GALNT7: variants seen among roughly 807,000 people sequenced by gnomAD.
GALNT7 encodes polypeptide N-acetylgalactosaminyltransferase 7.
GALNT7 carries 60 observed loss-of-function variants against 82.1 expected under a neutral mutation model. The observed-to-expected ratio is 0.73, with a 90% confidence interval of 0.59 to 0.91. The LOEUF (loss-of-function observed/expected upper bound fraction) is 0.91. Among genes scored for constraint, GALNT7 ranks in the 40% least tolerant of loss-of-function variants. The pLI is 0.00. For synonymous variants in GALNT7, 243 were observed against 275.1 expected (o/e 0.88, Z 1.15); for missense variants, 660 against 804.2 (o/e 0.82, Z 2.17).
chr4:173,283,020 C>G (rs2126811139), intron 2 of GALNT7, among the ~76,000 whole-genome samples: 1 of 152,324 alleles, frequency 6.6e-6, no homozygotes, highest in South Asian at 2.1e-4. Context: ...CCATCCCTTT[C>G]TGTCTCTCTG....
Position 173,191,384 on chromosome 4 carries a change from C to A in GALNT7, c.126+22423C>A, listed in dbSNP as rs367619795. Among the ~76,000 whole-genome samples, 141 of 152,258 alleles carry A rather than the reference C, an allele frequency of 9.3e-4. 6 individuals are homozygous for A. The South Asian group carries it at 0.028, about 30-fold the overall frequency. ...CGAGCAAAAGGATGTAAGTCTCTTC[C>A]GCCAGCCCTTCTGCTTCTGTCTAGT... is the stretch of plus-strand genomic sequence containing the variant. On this transcript the variant is annotated intron_variant, in intron 1 of 11. Transcript: ENST00000265000.
chr4:173,246,986 A>G (rs796719192), intron 1 of GALNT7, among the ~76,000 whole-genome samples: 2 of 152,234 alleles, frequency 1.3e-5, no homozygotes, highest in African/African-American at 4.8e-5. Context: ...CCTCCCATTA[A>G]GCCAGTGATT....
At chr4:173,169,295 G>C (rs1049160072) in intron 1 of GALNT7, 5 of 149,518 alleles carry the variant, frequency 3.3e-5, no homozygotes, top group African/African-American at 4.9e-5. Context: ...GGTCCGGGGG[G>C]CTGCGGCCGC....
chr4:173,190,371 G>A (rs1302477513), intron 1 of GALNT7, among the ~76,000 whole-genome samples: 2 of 152,206 alleles, frequency 1.3e-5, no homozygotes, highest in African/African-American at 4.8e-5. Context: ...GGTAACTAAT[G>A]AGATAGAAAG....
intron 2 of GALNT7, among the ~76,000 whole-genome samples, chr4:173,264,866 T>A (rs1189515118): frequency 6.6e-6 from 1 of 152,238 alleles, no homozygotes; most frequent in Non-Finnish European, 1.5e-5. Context: ...TGCCTCTTCC[T>A]GCATCCTGGA....
At chr4:173,289,378 A>G (rs1262595238) in intron 2 of GALNT7, among the ~76,000 whole-genome samples, 1 of 152,180 alleles carries the variant, frequency 6.6e-6, no homozygotes, top group Non-Finnish European at 1.5e-5. Flanking sequence ...AAAATTGAGC[A>G]TGGACACAAG....
At chr4:173,216,727 A>ATATATATATATTTTTTT (rs71244915) in intron 1 of GALNT7, among the ~76,000 whole-genome samples, 1 of 12,978 alleles carries the variant, frequency 7.7e-5, no homozygotes, top group African/African-American at 2.8e-4. Context: ...ATATATATAT[A>ATATATATATATTTTTTT]TTTTTTTTTT....
rs763362087 is a variant in GALNT7 at position 173,229,533 on chromosome 4, G to A, written c.127-18447G>A. Among the ~76,000 whole-genome samples the A allele has an allele frequency of 2.8e-4, 42 of 152,152 alleles. 1 individual carries two copies. Among genetic ancestry groups the A allele is most frequent in the South Asian group, 2.1e-4 (1 of 4,824 alleles). The stretch of plus-strand genomic sequence containing the variant: ...GACCTAGAGAGAGTATAATAGTTAA[G>A]AACATGGAATCTGTAGCCAGAGACC... On this transcript the variant is annotated intron_variant, in intron 1 of 11. Coordinates refer to ENST00000265000, the MANE Select transcript of GALNT7 (RefSeq NM_017423.3).
intron 6 of GALNT7, among the ~76,000 whole-genome samples, chr4:173,300,616 GA>G (rs938091312): frequency 4.6e-5 from 7 of 151,558 alleles, no homozygotes; most frequent in African/African-American, 1.7e-4. Flanking sequence ...AGCCGTGAAG[GA>G]CTCAACGGGA....
chr4:173,314,727 C>A (rs150519362), intron 9 of GALNT7, among the ~76,000 whole-genome samples: 110 of 152,304 alleles, frequency 7.2e-4, no homozygotes, highest in African/African-American at 2.4e-3. Context: ...TAAAATCAGA[C>A]AAAAGCACTT....
intron 9 of GALNT7, 175 bp from the exon 10 acceptor site, chr4:173,317,459 A>G (rs1039405234): frequency 1.8e-6 from 1 of 556,368 alleles, no homozygotes; most frequent in Non-Finnish European, 3.2e-6. Context: ...CTTCAAGACC[A>G]TAAGTTATTT....
At chr4:173,240,193 T>A (rs974686158) in intron 1 of GALNT7, among the ~76,000 whole-genome samples, 4 of 152,144 alleles carry the variant, frequency 2.6e-5, no homozygotes, top group African/African-American at 7.2e-5. Context: ...AGGTAATATT[T>A]CTTGTCAGTT....
At chr4:173,179,885 G>T (rs1732189031) in intron 1 of GALNT7, among the ~76,000 whole-genome samples, 1 of 152,176 alleles carries the variant, frequency 6.6e-6, no homozygotes, top group Non-Finnish European at 1.5e-5. Context: ...AGAAGTTCTT[G>T]TCAGTACTTA....
At chr4:173,169,415 C>G (rs1169737505) in intron 1 of GALNT7, 1 of 151,356 alleles carries the variant, frequency 6.6e-6, no homozygotes, top group Non-Finnish European at 1.5e-5. Context: ...GGCGAGATGC[C>G]GATGCCGCCA....
chr4:173,253,304 A>T (rs1159951955), intron 2 of GALNT7, among the ~76,000 whole-genome samples: 1 of 152,190 alleles, frequency 6.6e-6, no homozygotes, highest in Non-Finnish European at 1.5e-5. Flanking sequence ...AACATGTAGT[A>T]GAAGACATGA....
intron 8 of GALNT7, among the ~76,000 whole-genome samples, chr4:173,307,570 C>T (rs897777786): frequency 4.6e-5 from 7 of 152,096 alleles, no homozygotes; most frequent in Admixed American, 1.3e-4. Context: ...GCTTTTAGAG[C>T]CAAGGAAAGG....
intron 1 of GALNT7, among the ~76,000 whole-genome samples, chr4:173,172,936 A>C (rs577003895): frequency 1.3e-5 from 2 of 152,278 alleles, no homozygotes; most frequent in East Asian, 3.9e-4. Context: ...GTGTTTTGAA[A>C]AGATCACTCT....
intron 2 of GALNT7, among the ~76,000 whole-genome samples, chr4:173,274,858 G>A (rs1424436889): frequency 6.6e-6 from 1 of 152,170 alleles, no homozygotes; most frequent in Non-Finnish European, 1.5e-5. Context: ...TTGAACATAT[G>A]CTTGGGAATG....
chr4:173,259,097 C>T (rs1391867328), intron 2 of GALNT7, among the ~76,000 whole-genome samples: 3 of 152,178 alleles, frequency 2.0e-5, no homozygotes, highest in Non-Finnish European at 2.9e-5. Flanking sequence ...CCAGATGTTG[C>T]CACATGCCCC....
Sources: allele counts gnomAD v4.1 joint callset (sites outside exome capture counted in the v4.1 genomes callset), GRCh38; gene constraint gnomAD v4.1.1; transcripts MANE v1.5; gene names NCBI Gene and HGNC (gene_info 2026-07-23, HGNC 2026-07-21).